Variants in DOCK2 observed in about 807,000 individuals in gnomAD.
DOCK2 encodes the protein dedicator of cytokinesis 2, also known as dedicator of cytokinesis protein 2.
DOCK2 carries 87 observed loss-of-function variants against 248.9 expected under a neutral mutation model. That is an observed-to-expected ratio of 0.35 (90% CI 0.29 to 0.42). DOCK2 has a LOEUF of 0.42. Among genes scored for constraint, DOCK2 ranks in the 10% least tolerant of loss-of-function variants. DOCK2 has a pLI of 1.00. For synonymous variants in DOCK2, 805 were observed against 821.6 expected (o/e 0.98, Z 0.35); for missense variants, 1,747 against 2,300.2 (o/e 0.76, Z 4.92).
At chr5:169,784,386 T>C (rs534902164) in intron 25 of DOCK2, among the ~76,000 whole-genome samples, 221 of 152,198 alleles carry the variant, frequency 1.5e-3, no homozygotes, top group Non-Finnish European at 2.7e-3. Flanking sequence ...CCCAGGAAAG[T>C]GTGGTTCTGA....
intron 27 of DOCK2, among the ~76,000 whole-genome samples, chr5:169,889,880 G>A (rs1160115441): frequency 6.6e-6 from 1 of 152,224 alleles, no homozygotes; most frequent in Non-Finnish European, 1.5e-5. Flanking sequence ...TTGAGCAGGA[G>A]GCTCTTGATT....
In DOCK2 at chr5:169,803,197, C is replaced by G; in HGVS notation, c.2694C>G (p.Tyr898Ter). Residue 898 changes from tyrosine to a stop codon, truncating the protein, a stop_gained, in exon 26 of 52, where the codon TAC (tyrosine) becomes TAG (stop). Transcript: ENST00000520908. LOFTEE classifies it high-confidence loss of function. Reference sequence around the variant, plus strand: ...ACAGCATCTTGGAAGTCCTTAGCTACCAGGATGCGGTGAGTCCTCCTGATG... The same window carrying G: ...ACAGCATCTTGGAAGTCCTTAGCTAGCAGGATGCGGTGAGTCCTCCTGATG... ...LLNSILEVLSYQDAAFTYHHI... is the reference protein window; with the variant it reads ...LLNSILEVLS 1 of 1,613,158 alleles carries G rather than the reference C, an allele frequency of 6.2e-7. No homozygotes were observed. Among genetic ancestry groups the G allele is most frequent in the Non-Finnish European group, 8.5e-7 (1 of 1,179,594 alleles).
chr5:169,998,391 A>G (rs1406581844), intron 30 of DOCK2, among the ~76,000 whole-genome samples: 1 of 152,250 alleles, frequency 6.6e-6, no homozygotes, highest in Non-Finnish European at 1.5e-5. Flanking sequence ...TGAGAGGATG[A>G]ACAGGATCTT....
At chr5:169,837,737 A>C (rs921297455) in intron 26 of DOCK2, among the ~76,000 whole-genome samples, 1 of 152,194 alleles carries the variant, frequency 6.6e-6, no homozygotes, top group South Asian at 2.1e-4. Flanking sequence ...CCCAGCTCAA[A>C]TGAGCAGAAT....
intron 27 of DOCK2, among the ~76,000 whole-genome samples, chr5:169,852,531 GTC>G (rs1367838124): frequency 6.6e-6 from 1 of 152,210 alleles, no homozygotes; most frequent in Admixed American, 6.5e-5. Context: ...CAGCTAGAAA[GTC>G]TCTTCACAGT....
chr5:169,810,100 A>G (rs1767645011), intron 26 of DOCK2, among the ~76,000 whole-genome samples: 1 of 152,076 alleles, frequency 6.6e-6, no homozygotes, highest in Non-Finnish European at 1.5e-5. Flanking sequence ...TCTTGAAGCT[A>G]TCTGAAGGAA....
intron 22 of DOCK2, among the ~76,000 whole-genome samples, chr5:169,720,965 G>T (rs1009423554): frequency 3.3e-5 from 5 of 152,092 alleles, no homozygotes; most frequent in Non-Finnish European, 7.4e-5. Context: ...CTCGTGATCT[G>T]CCCACCTCGG....
chr5:169,838,696 C>T (rs909639841), intron 26 of DOCK2, among the ~76,000 whole-genome samples: 2 of 152,106 alleles, frequency 1.3e-5, no homozygotes, highest in African/African-American at 4.8e-5. Context: ...TGAAGTCTGG[C>T]TGCGCTTGAT....
chr5:169,758,638 A>G lies in DOCK2; in HGVS notation c.2377-1067A>G, dbSNP rs747410836. 5.3e-5 allele frequency among the ~76,000 whole-genome samples: 8 copies of G among 152,226 alleles called. 1 individual carries two copies. The highest frequency in any genetic ancestry group is 1.0e-4 in the Non-Finnish European group (7 of 68,038). ...CTGGCTCTCCACTTGCTAACTTTTC[A>G]ACCCCAGGCTAGTTATTTAATTGTG... On this transcript the variant is annotated intron_variant, in intron 23 of 51. Transcript: ENST00000520908.
chr5:170,036,034 T>A (rs1360539278), intron 35 of DOCK2, among the ~76,000 whole-genome samples: 1 of 152,114 alleles, frequency 6.6e-6, no homozygotes. Flanking sequence ...GGCGACAGAA[T>A]CCCATATAAT....
intron 26 of DOCK2, among the ~76,000 whole-genome samples, chr5:169,838,338 C>T (rs1769722069): frequency 6.6e-6 from 1 of 152,190 alleles, no homozygotes; most frequent in South Asian, 2.1e-4. Flanking sequence ...GGATGAATTA[C>T]TTAACCACTC....
At chr5:170,070,241 C>T (rs1023907070) in intron 46 of DOCK2, among the ~76,000 whole-genome samples, 2 of 152,266 alleles carry the variant, frequency 1.3e-5, no homozygotes, top group African/African-American at 4.8e-5. Context: ...TGCCCTCCCT[C>T]GCTTTCTTCT....
chr5:169,653,384 C>T (rs570433508), intron 1 of DOCK2, among the ~76,000 whole-genome samples: 8 of 152,204 alleles, frequency 5.3e-5, no homozygotes, highest in East Asian at 1.9e-4. Context: ...AGTGGGGAAA[C>T]GGATTCAGAG....
At chr5:169,986,333 C>G (rs927801156) in intron 29 of DOCK2, among the ~76,000 whole-genome samples, 2 of 152,146 alleles carry the variant, frequency 1.3e-5, no homozygotes, top group Admixed American at 6.5e-5. Flanking sequence ...CTTCTTCAAG[C>G]TTTTAATTTG....
In DOCK2 at chr5:169,671,182, T is replaced by G. The variant is rs1759035305; in HGVS notation, c.321+8T>G. The G allele has an allele frequency of 2.5e-6, 4 of 1,611,720 alleles. No homozygotes were observed. In the Admixed American group the frequency reaches 5.0e-5, roughly 20 times the overall value. ...TGGAAACAACTCTATGTGGTGAGACTCAGAACTCTGCTCCCTGAGTTGGAA... is the reference window on the plus strand; with the variant it reads ...TGGAAACAACTCTATGTGGTGAGACGCAGAACTCTGCTCCCTGAGTTGGAA... On this transcript the variant is annotated splice_region_variant and intron_variant, in intron 5 of 51. Coordinates refer to ENST00000520908, the MANE Select transcript of DOCK2 (RefSeq NM_004946.3).
intron 21 of DOCK2, among the ~76,000 whole-genome samples, chr5:169,718,351 C>T (rs1182095887): frequency 1.3e-5 from 2 of 152,146 alleles, no homozygotes; most frequent in African/African-American, 4.8e-5. Flanking sequence ...AAAAAAAAGA[C>T]ATTATTGCCA....
intron 23 of DOCK2, among the ~76,000 whole-genome samples, chr5:169,749,689 G>T (rs769921112): frequency 6.6e-6 from 1 of 152,142 alleles, no homozygotes; most frequent in Non-Finnish European, 1.5e-5. Flanking sequence ...TCACTACCAC[G>T]GCATTAGCCT....
intron 44 of DOCK2, 57 bp from the exon 45 acceptor site, chr5:170,067,453 T>C (rs1757532575): frequency 1.3e-6 from 2 of 1,544,940 alleles, no homozygotes; most frequent in East Asian, 4.5e-5. Flanking sequence ...CAATAATATC[T>C]GTTTTTAAAG....
chr5:169,775,725 C>T (rs1008620713), intron 25 of DOCK2, among the ~76,000 whole-genome samples: 2 of 151,608 alleles, frequency 1.3e-5, no homozygotes, highest in Non-Finnish European at 2.9e-5. Context: ...GCTGTTGGAA[C>T]ATTGGGGACA....
Sources: gnomAD v4.1 joint callset for allele counts (sites outside exome capture counted in the v4.1 genomes callset) on GRCh38, gnomAD v4.1.1 for gene constraint, MANE v1.5 for transcripts, NCBI Gene and HGNC (gene_info 2026-07-23, HGNC 2026-07-21) for gene names.